The following PCDH11X variants were observed in gnomAD, a reference collection of about 807,000 sequenced individuals.
PCDH11X encodes protocadherin 11 X-linked.
PCDH11X carries 18 observed loss-of-function variants against 53.3 expected under a neutral mutation model. That is an observed-to-expected ratio of 0.34 (90% CI 0.23 to 0.50). The LOEUF is 0.50. Among genes scored for constraint, PCDH11X ranks in the 20% least tolerant of loss-of-function variants. PCDH11X has a pLI of 0.98. For missense variants in PCDH11X, 570 were observed against 1,032.4 expected (o/e 0.55, Z 6.14); for synonymous variants, 279 against 393.3 (o/e 0.71, Z 3.44).
At chrX:91,803,380 G>A (rs1457517424) in intron 1 of PCDH11X, among the ~76,000 whole-genome samples, 4 of 110,015 alleles carry the variant, frequency 3.6e-5, no homozygotes, top group East Asian at 5.7e-4. Flanking sequence ...TTCTAAACTC[G>A]GATTTCAAAC....
intron 6 of PCDH11X, among the ~76,000 whole-genome samples, chrX:92,049,141 G>T (rs1480630741): frequency 9.0e-6 from 1 of 110,641 alleles, no homozygotes; most frequent in Non-Finnish European, 1.9e-5. Flanking sequence ...GACCTAAAAG[G>T]GTGCCTATCT....
Position 91,968,556 on chromosome X carries a change from T to C in PCDH11X, c.3033+89283T>C, listed in dbSNP as rs1408275290. 4.5e-5 allele frequency among the ~76,000 whole-genome samples: 5 copies of C among 111,639 alleles called. No individual in the cohort carries two copies. In the East Asian group the frequency reaches 8.4e-4, roughly 19 times the overall value. ...GTGATTTATTTATTTTTCTTTCAAA[T>C]ATCCCCTCTTTTAGTCTTAGCTTAA... On this transcript the variant is annotated intron_variant, in intron 6 of 10. Transcript: ENST00000682573.
intron 10 of PCDH11X, among the ~76,000 whole-genome samples, chrX:92,605,300 T>A (rs1926667708): frequency 9.0e-6 from 1 of 110,537 alleles, no homozygotes; most frequent in Non-Finnish European, 1.9e-5. Context: ...TTAAACAAGA[T>A]CTTCCTAAGT....
At chrX:91,975,619 G>T (rs2062035538) in intron 6 of PCDH11X, among the ~76,000 whole-genome samples, 1 of 110,752 alleles carries the variant, frequency 9.0e-6, no homozygotes, top group Non-Finnish European at 1.9e-5. Flanking sequence ...GAGAAGGGAA[G>T]AAACTAGTCA....
intron 6 of PCDH11X, among the ~76,000 whole-genome samples, chrX:91,958,825 A>G (rs775795534): frequency 9.2e-6 from 1 of 108,724 alleles, no homozygotes; most frequent in South Asian, 4.0e-4. Context: ...ACACCTTTGT[A>G]AACTGTTACT....
At chrX:92,275,148 G>T (rs1327621145) in intron 8 of PCDH11X, among the ~76,000 whole-genome samples, 1 of 102,974 alleles carries the variant, frequency 9.7e-6, no homozygotes, top group African/African-American at 3.5e-5. Flanking sequence ...AGCAGTGGCA[G>T]CCTCTGCACG....
At chrX:92,056,299 T>A (rs1050275695) in intron 6 of PCDH11X, among the ~76,000 whole-genome samples, 1 of 112,061 alleles carries the variant, frequency 8.9e-6, no homozygotes, top group African/African-American at 3.2e-5. Flanking sequence ...TTTGATCATT[T>A]TTTTCATGAT....
At chrX:92,561,928 C>T (rs1212620511) in intron 10 of PCDH11X, among the ~76,000 whole-genome samples, 3 of 108,192 alleles carry the variant, frequency 2.8e-5, no homozygotes, top group Non-Finnish European at 5.7e-5. Context: ...AAACAACTAA[C>T]ATAAAATAGA....
In PCDH11X at chrX:91,878,634, T is replaced by C; in HGVS notation, c.2394T>C (p.Thr798=). 1 of 1,210,982 alleles carries C rather than the reference T, an allele frequency of 8.3e-7. No individual in the cohort carries two copies. Among genetic ancestry groups the C allele is most frequent in the Non-Finnish European group, 1.1e-6 (1 of 895,358 alleles). ...KSTEAPVTPN[T]EIADVSSPTS... ...CTGAAGCACCAGTGACCCCAAATAC[T>C]GAGATAGCTGATGTATCCTCACCAA... The change falls in exon 6 of 11, where the codon ACT becomes ACC. Residue 798 remains threonine (T), a synonymous_variant. Transcript: ENST00000682573.
intron 9 of PCDH11X, among the ~76,000 whole-genome samples, chrX:92,433,216 T>C (rs2072290099): frequency 9.0e-6 from 1 of 111,681 alleles, no homozygotes; most frequent in Admixed American, 9.6e-5. Context: ...AAAAGTTTTA[T>C]AAATCATTTG....
rs753087399 is a variant in PCDH11X at position 91,937,891 on chromosome X, A to G, written c.3033+58618A>G. On this transcript the variant is annotated intron_variant, in intron 6 of 10. Transcript: ENST00000682573. ...TTCACTATGTGTGCCTATTTGTCTA[A>G]TTAGGTCAATAAAGTCGCCATTAAT... 1.8e-4 allele frequency among the ~76,000 whole-genome samples: 20 copies of G among 111,315 alleles called. No homozygotes were observed. The East Asian group carries it at 5.7e-3, about 32-fold the overall frequency.
At chrX:91,805,587 G>C (rs1042704921) in intron 1 of PCDH11X, among the ~76,000 whole-genome samples, 4 of 111,116 alleles carry the variant, frequency 3.6e-5, no homozygotes, top group African/African-American at 6.6e-5. Flanking sequence ...GGCCAAAGCA[G>C]GGGGGCTTGC....
At chrX:91,949,722 T>A (rs1032976608) in intron 6 of PCDH11X, among the ~76,000 whole-genome samples, 1 of 111,223 alleles carries the variant, frequency 9.0e-6, no homozygotes, top group African/African-American at 3.3e-5. Context: ...ATAATTTTAA[T>A]GATTTTATAT....
chrX:92,268,485 G>T (rs1036961928), intron 8 of PCDH11X, among the ~76,000 whole-genome samples: 1 of 110,648 alleles, frequency 9.0e-6, no homozygotes, highest in Non-Finnish European at 1.9e-5. Context: ...TAGAGACGGG[G>T]TTTCACCATG....
chrX:92,118,803 G>A (rs1252033066), intron 6 of PCDH11X, among the ~76,000 whole-genome samples: 12 of 91,361 alleles, frequency 1.3e-4, no homozygotes, highest in Non-Finnish European at 8.2e-5. Context: ...GTGCAGTGGT[G>A]CAATCTCGGC....
At chrX:92,407,984 A>C (rs1462241191) in intron 9 of PCDH11X, among the ~76,000 whole-genome samples, 1 of 109,077 alleles carries the variant, frequency 9.2e-6, no homozygotes, top group East Asian at 2.9e-4. Context: ...CTCCGGGTTC[A>C]AGCAATTCTC....
intron 8 of PCDH11X, among the ~76,000 whole-genome samples, chrX:92,281,720 G>A (rs751186531): frequency 1.8e-5 from 2 of 111,564 alleles, no homozygotes; most frequent in Admixed American, 1.9e-4. Context: ...TGTGGATGTT[G>A]ACATACTAAC....
At chrX:92,278,806 G>GTT (rs35000823) in intron 8 of PCDH11X, among the ~76,000 whole-genome samples, 12 of 47,361 alleles carry the variant, frequency 2.5e-4, no homozygotes, top group East Asian at 6.2e-4. Flanking sequence ...TCTCTTTTCA[G>GTT]TTTTTTTTTT....
At chrX:91,794,437 T>G (rs1339742279) in intron 1 of PCDH11X, among the ~76,000 whole-genome samples, 6 of 111,643 alleles carry the variant, frequency 5.4e-5, no homozygotes, top group Non-Finnish European at 1.1e-4. Flanking sequence ...ATGTAGTGAT[T>G]TGAGATTTTT....
Sources: allele counts gnomAD v4.1 joint callset (sites outside exome capture counted in the v4.1 genomes callset), GRCh38; gene constraint gnomAD v4.1.1; transcripts MANE v1.5; gene names NCBI Gene and HGNC (gene_info 2026-07-23, HGNC 2026-07-21).